Variants in CFAP70 observed in about 807,000 individuals in gnomAD.
CFAP70 encodes cilia and flagella associated protein 70, also known as cilia- and flagella-associated protein 70.
CFAP70 carries 81 observed loss-of-function variants against 137.6 expected under a neutral mutation model. The ratio of observed to expected loss-of-function variants is 0.59; its 90% confidence interval spans 0.49 to 0.71. The LOEUF (loss-of-function observed/expected upper bound fraction) is 0.71. CFAP70 is among the 30% of genes least tolerant of loss of function. The pLI is 0.00. For missense variants in CFAP70, 976 were observed against 1,226.7 expected (o/e 0.80, Z 3.05); for synonymous variants, 382 against 423.6 (o/e 0.90, Z 1.20).
At chr10:73,259,782 G>A (rs373377536) in intron 25 of CFAP70, among the ~76,000 whole-genome samples, 3 of 152,130 alleles carry the variant, frequency 2.0e-5, no homozygotes, top group Non-Finnish European at 4.4e-5. Context: ...TGTAATCCCC[G>A]CACTTTGCAA....
At chr10:73,340,550 A>G (rs571575364) in intron 6 of CFAP70, among the ~76,000 whole-genome samples, 3 of 152,210 alleles carry the variant, frequency 2.0e-5, no homozygotes, top group Admixed American at 6.5e-5. Flanking sequence ...TTTGCCCAGG[A>G]GCCTGTCTGC....
At chr10:73,312,560 C>G in exon 10 of CFAP70, 1 of 1,612,596 alleles carries the variant, frequency 6.2e-7, no homozygotes, top group Admixed American at 1.7e-5. Context: ...CTTGTTTGGA[C>G]AGCAGAGAAT....
At chr10:73,350,997 GTA>G (rs1409138908) in intron 3 of CFAP70, among the ~76,000 whole-genome samples, 3 of 141,954 alleles carry the variant, frequency 2.1e-5, no homozygotes, top group East Asian at 2.0e-4. Context: ...ATATATGTGT[GTA>G]TATGTGTGTA....
intron 9 of CFAP70, among the ~76,000 whole-genome samples, chr10:73,313,737 G>A (rs2050124494): frequency 6.6e-6 from 1 of 152,112 alleles, no homozygotes; most frequent in Non-Finnish European, 1.5e-5. Context: ...TAGCTATTGG[G>A]AAGGCTGAGG....
At chr10:73,322,928 A>C (rs752292903) in intron 9 of CFAP70, 35 bp downstream of exon 10, 1 of 1,556,812 alleles carries the variant, frequency 6.4e-7, no homozygotes. Context: ...TAAAGGATAA[A>C]TTACCATGAT....
At chr10:73,296,971 G>A (rs2048587348) in intron 15 of CFAP70, 71 bp downstream of exon 16, 1 of 1,517,614 alleles carries the variant, frequency 6.6e-7, no homozygotes, top group Middle Eastern at 1.8e-4. Flanking sequence ...ATAAACAAAG[G>A]AAGGAATTAT....
At chr10:73,303,601 AC>A (rs1028069477) in intron 12 of CFAP70, among the ~76,000 whole-genome samples, 3 of 151,880 alleles carry the variant, frequency 2.0e-5, no homozygotes, top group African/African-American at 7.3e-5. Flanking sequence ...GAAAAAAAAA[AC>A]TTATTGCTAA....
At chr10:73,357,638 C>T (rs1483537060) in intron 1 of CFAP70, among the ~76,000 whole-genome samples, 1 of 152,218 alleles carries the variant, frequency 6.6e-6, no homozygotes, top group Admixed American at 6.5e-5. Flanking sequence ...TGTAGTACTA[C>T]ATTCAGGGCT....
In CFAP70 at chr10:73,336,604, G is replaced by A. The variant is rs553069592; in HGVS notation, c.583-1080C>T. On this transcript the variant is annotated intron_variant, in intron 6 of 26. Transcript: ENST00000310715. ...CCTTTTTTTTTTTTTTTTTTTTTGAGACAGAGTCTCGCTCTGTCGCCCAGG... is the reference window on the plus strand; with the variant it reads ...CCTTTTTTTTTTTTTTTTTTTTTGAAACAGAGTCTCGCTCTGTCGCCCAGG... Among the ~76,000 whole-genome samples, 23 of 119,148 alleles carry A rather than the reference G, an allele frequency of 1.9e-4. No homozygotes were observed. In the South Asian group the frequency reaches 6.4e-3, roughly 33 times the overall value. 78.2% of individuals were successfully genotyped at this position (119,148 alleles called of 152,430 possible). A position where few individuals can be genotyped will look rare whatever the true frequency, so the allele number is the denominator to read the frequency against.
At chr10:73,334,188 A>C (rs1034393112) in intron 7 of CFAP70, among the ~76,000 whole-genome samples, 1 of 152,224 alleles carries the variant, frequency 6.6e-6, no homozygotes, top group African/African-American at 2.4e-5. Flanking sequence ...GAAGACTGAT[A>C]GTTACCTACA....
chr10:73,323,131 A>T, intron 8 of CFAP70, 34 bp from the exon 10 acceptor site: 1 of 1,576,316 alleles, frequency 6.3e-7, no homozygotes, highest in Non-Finnish European at 8.6e-7. Context: ...TGTTAGTGCT[A>T]TAAGCAATGT....
intron 1 of CFAP70, among the ~76,000 whole-genome samples, chr10:73,355,481 A>G (rs1271374143): frequency 2.0e-5 from 3 of 152,172 alleles, no homozygotes; most frequent in Non-Finnish European, 4.4e-5. Context: ...TGAGTTGTAT[A>G]ATATTTCATT....
chr10:73,277,051 GTCT>G (rs2046809490), intron 21 of CFAP70, 186 bp downstream of exon 22: 1 of 546,242 alleles, frequency 1.8e-6, no homozygotes, highest in Non-Finnish European at 2.9e-6. Flanking sequence ...TTGCAGCGAG[GTCT>G]TCTGCTGCCA....
At chr10:73,307,423 A>G (rs1020545145) in intron 12 of CFAP70, among the ~76,000 whole-genome samples, 13 of 152,216 alleles carry the variant, frequency 8.5e-5, no homozygotes, top group Non-Finnish European at 1.5e-5. Context: ...ACACTGGCAG[A>G]TTAGATTAGA....
chr10:73,358,882 G>A (rs1316195165), upstream of CFAP70: 1 of 152,282 alleles, frequency 6.6e-6, no homozygotes, highest in African/African-American at 2.4e-5. Flanking sequence ...CCCTAGCGCC[G>A]GCTGCAGCCT....
intron 8 of CFAP70, among the ~76,000 whole-genome samples, chr10:73,323,325 C>T (rs978136355): frequency 2.5e-4 from 14 of 56,126 alleles, no homozygotes; most frequent in Middle Eastern, 0.021. Context: ...GTGTTAATGG[C>T]GGGGGCGGGG....
intron 1 of CFAP70, among the ~76,000 whole-genome samples, chr10:73,355,338 T>G (rs1041791966): frequency 6.6e-6 from 1 of 152,214 alleles, no homozygotes; most frequent in Non-Finnish European, 1.5e-5. Flanking sequence ...AACTGATGCA[T>G]GCAAAGGATC....
intron 19 of CFAP70, among the ~76,000 whole-genome samples, chr10:73,284,920 ATTACTGTT>A (rs2047573963): frequency 6.7e-6 from 1 of 149,840 alleles, no homozygotes; most frequent in African/African-American, 2.5e-5. Context: ...CCACTTTCAA[ATTACTGTT>A]TTAAAAAATA....
intron 1 of CFAP70, among the ~76,000 whole-genome samples, chr10:73,355,692 C>T (rs1439169663): frequency 1.3e-5 from 2 of 152,110 alleles, no homozygotes; most frequent in African/African-American, 2.4e-5. Context: ...GCAGGAGAAT[C>T]GCTTGAACAC....
Sources: allele counts gnomAD v4.1 joint callset (sites outside exome capture counted in the v4.1 genomes callset), GRCh38; gene constraint gnomAD v4.1.1; transcripts MANE v1.5; gene names NCBI Gene and HGNC (gene_info 2026-07-23, HGNC 2026-07-21).